Variants in RETREG1 observed in about 807,000 individuals in gnomAD.
The protein encoded by RETREG1 is family with sequence similarity 134 member B.
In RETREG1, 44 loss-of-function variants were observed where a neutral mutation model predicts 54.8. The observed-to-expected ratio is 0.80, with a 90% CI of 0.63 to 1.03. The LOEUF (loss-of-function observed/expected upper bound fraction) is 1.03, where lower values mean the gene tolerates loss of function less well. RETREG1 is among the 50% of genes least tolerant of loss of function. The pLI, the probability that RETREG1 is intolerant of heterozygous loss-of-function variation, is 0.00. For missense variants in RETREG1, 554 were observed against 605.1 expected (o/e 0.92, Z 0.89); for synonymous variants, 217 against 238.5 (o/e 0.91, Z 0.83).
chr5:16,524,042 C>T (rs1481133365), intron 3 of RETREG1, among the ~76,000 whole-genome samples: 9 of 152,178 alleles, frequency 5.9e-5, no homozygotes, highest in Non-Finnish European at 8.8e-5. Context: ...CCCCGCCTTC[C>T]ATCTGAGCTC....
chr5:16,590,344 C>T (rs16868823), intron 1 of RETREG1, among the ~76,000 whole-genome samples: 11,022 of 152,202 alleles, frequency 0.072, 1,350 homozygotes, highest in African/African-American at 0.25. Context: ...CGCACCTGTA[C>T]GGCCAGGTTT....
chr5:16,587,214 C>A (rs2592013), intron 1 of RETREG1, among the ~76,000 whole-genome samples: 11,993 of 152,236 alleles, frequency 0.079, 524 homozygotes, highest in Non-Finnish European at 0.1. Context: ...ATTCAAGGAA[C>A]CGTCCTAGGC....
intron 3 of RETREG1, among the ~76,000 whole-genome samples, chr5:16,556,409 C>G (rs1182094145): frequency 6.6e-6 from 1 of 152,052 alleles, no homozygotes; most frequent in Non-Finnish European, 1.5e-5. Flanking sequence ...ATCCTCCCGC[C>G]TCAGCCTCCC....
At chr5:16,502,944 C>A (rs1199534369) in intron 3 of RETREG1, among the ~76,000 whole-genome samples, 2 of 152,328 alleles carry the variant, frequency 1.3e-5, no homozygotes, top group Admixed American at 1.3e-4. Flanking sequence ...TAAGCCCACA[C>A]AATTAGGCTT....
chr5:16,610,343 G>C (rs1342754281), intron 1 of RETREG1, among the ~76,000 whole-genome samples: 5 of 152,172 alleles, frequency 3.3e-5, no homozygotes, highest in African/African-American at 9.7e-5. Context: ...TATACCAATA[G>C]AAGGTAATGC....
At chr5:16,616,431 C>G (rs939295877) in intron 1 of RETREG1, 3 of 796,702 alleles carry the variant, frequency 3.8e-6, no homozygotes, top group Non-Finnish European at 5.5e-6. Context: ...GAGGCTGGAT[C>G]CGCACACGGA....
intron 7 of RETREG1, 57 bp from the exon 8 acceptor site, chr5:16,477,845 T>C (rs1414010110): frequency 2.5e-6 from 4 of 1,604,888 alleles, no homozygotes; most frequent in African/African-American, 1.3e-5. Context: ...AGGGAATATT[T>C]TGAAAAATCC....
At chr5:16,592,736 CGGTAT>C (rs1742809082) in intron 1 of RETREG1, among the ~76,000 whole-genome samples, 1 of 151,926 alleles carries the variant, frequency 6.6e-6, no homozygotes, top group African/African-American at 2.4e-5. Context: ...AAATCATGTC[CGGTAT>C]GGGAACATGG....
At chr5:16,549,511 C>T (rs1341470094) in intron 3 of RETREG1, among the ~76,000 whole-genome samples, 1 of 152,060 alleles carries the variant, frequency 6.6e-6, no homozygotes, top group Non-Finnish European at 1.5e-5. Flanking sequence ...TACTTTGACC[C>T]CCTAGATCAG....
intron 3 of RETREG1, among the ~76,000 whole-genome samples, chr5:16,516,518 G>A (rs1354516263): frequency 1.3e-5 from 2 of 152,214 alleles, no homozygotes; most frequent in Non-Finnish European, 2.9e-5. Context: ...GCTGGGGGAA[G>A]GGCCTGAGCA....
chr5:16,490,126 G>T (rs1739188191), intron 3 of RETREG1, among the ~76,000 whole-genome samples: 1 of 152,158 alleles, frequency 6.6e-6, no homozygotes, highest in Non-Finnish European at 1.5e-5. Context: ...GGCAGGGAGA[G>T]AATATGAATG....
intron 3 of RETREG1, among the ~76,000 whole-genome samples, chr5:16,539,017 C>T (rs1198957885): frequency 1.3e-5 from 2 of 152,284 alleles, no homozygotes; most frequent in East Asian, 1.9e-4. Flanking sequence ...GCTAGGCTGT[C>T]GGAATCTGTT....
chr5:16,494,297 G>C (rs1739364061), intron 3 of RETREG1, among the ~76,000 whole-genome samples: 2 of 152,166 alleles, frequency 1.3e-5, no homozygotes, highest in Non-Finnish European at 2.9e-5. Flanking sequence ...GTATGGGTAT[G>C]AACCTGGGAT....
chr5:16,499,993 T>A (rs2126548152), intron 3 of RETREG1, among the ~76,000 whole-genome samples: 1 of 152,280 alleles, frequency 6.6e-6, no homozygotes, highest in Middle Eastern at 3.4e-3. Flanking sequence ...AGATAACAAT[T>A]ACACCTAGGG....
At chr5:16,573,672 G>A (rs1248295822) in intron 1 of RETREG1, among the ~76,000 whole-genome samples, 1 of 150,088 alleles carries the variant, frequency 6.7e-6, no homozygotes, top group Non-Finnish European at 1.5e-5. Context: ...GGGAGAGGGA[G>A]GATGGATTCG....
intron 4 of RETREG1, among the ~76,000 whole-genome samples, chr5:16,481,491 C>G (rs541349110): frequency 5.7e-4 from 86 of 152,182 alleles, no homozygotes; most frequent in African/African-American, 2.0e-3. Context: ...AAAGTTCAAA[C>G]TACCACTATA....
chr5:16,576,791 A>G (rs1007899951), intron 1 of RETREG1, among the ~76,000 whole-genome samples: 6 of 151,930 alleles, frequency 3.9e-5, no homozygotes, highest in Non-Finnish European at 7.4e-5. Flanking sequence ...CAATGTTTGT[A>G]TCTTTAGTAG....
At chr5:16,586,083 A>G (rs1742618908) in intron 1 of RETREG1, among the ~76,000 whole-genome samples, 1 of 152,220 alleles carries the variant, frequency 6.6e-6, no homozygotes, top group Admixed American at 6.5e-5. Context: ...AGAAAAATGA[A>G]TAACAGATCA....
intron 3 of RETREG1, among the ~76,000 whole-genome samples, chr5:16,488,180 G>T (rs1579594292): frequency 6.6e-6 from 1 of 152,348 alleles, no homozygotes; most frequent in Non-Finnish European, 1.5e-5. Flanking sequence ...AAAGAGGAGG[G>T]AGACTTCTGC....
Sources: allele counts gnomAD v4.1 joint callset (sites outside exome capture counted in the v4.1 genomes callset), GRCh38; gene constraint gnomAD v4.1.1; transcripts MANE v1.5; gene names NCBI Gene and HGNC (gene_info 2026-07-23, HGNC 2026-07-21).